Variants in UST observed in about 807,000 individuals in gnomAD.
UST encodes the protein chondroitin sulfate 2-O-sulfotransferase.
In UST, 21 loss-of-function variants were observed where a neutral mutation model predicts 45.6. That is an observed-to-expected ratio of 0.46 (90% CI 0.33 to 0.66). UST has a LOEUF of 0.66. UST is among the 30% of genes least tolerant of loss of function. The pLI, the probability that UST is intolerant of heterozygous loss-of-function variation, is 0.02. For missense variants in UST, 463 were observed against 512.4 expected (o/e 0.90, Z 0.93); for synonymous variants, 215 against 200.6 (o/e 1.07, Z -0.61).
At chr6:148,951,210 T>C (rs773082914) in intron 3 of UST, among the ~76,000 whole-genome samples, 7 of 152,114 alleles carry the variant, frequency 4.6e-5, no homozygotes, top group Non-Finnish European at 8.8e-5. Flanking sequence ...ACCATTGAAT[T>C]ATGGGAGTCC....
chr6:148,963,210 C>A (rs1780702359), intron 4 of UST, among the ~76,000 whole-genome samples: 1 of 152,306 alleles, frequency 6.6e-6, no homozygotes, highest in East Asian at 1.9e-4. Flanking sequence ...AGTCTGCCAG[C>A]TGGGGAGAGG....
chr6:149,034,851 TCTCTCTCTCTC>T (rs1776207923), intron 7 of UST, among the ~76,000 whole-genome samples: 1 of 75,588 alleles, frequency 1.3e-5, no homozygotes, highest in Non-Finnish European at 2.4e-5. Flanking sequence ...TCTCTCTCTC[TCTCTCTCTCTC>T]TCTCTCTCTC....
chr6:148,913,643 C>G (rs940907026), intron 2 of UST, among the ~76,000 whole-genome samples: 14 of 151,904 alleles, frequency 9.2e-5, no homozygotes, highest in African/African-American at 3.4e-4. Context: ...AATGCTGATT[C>G]CAATGCTTTG....
intron 1 of UST, among the ~76,000 whole-genome samples, chr6:148,853,396 A>G (rs775298179): frequency 2.0e-5 from 3 of 152,040 alleles, no homozygotes; most frequent in African/African-American, 4.8e-5. Flanking sequence ...TGTCTTTGCT[A>G]TTGTGAATAG....
At chr6:148,952,786 T>G (rs1208459685) in intron 3 of UST, among the ~76,000 whole-genome samples, 1 of 152,226 alleles carries the variant, frequency 6.6e-6, no homozygotes, top group Non-Finnish European at 1.5e-5. Context: ...ACTTCTGACA[T>G]TCATCCAAAG....
chr6:148,936,939 C>T (rs572598403), intron 2 of UST, among the ~76,000 whole-genome samples: 2 of 152,192 alleles, frequency 1.3e-5, no homozygotes, highest in African/African-American at 4.8e-5. Flanking sequence ...AGGTGATCCA[C>T]CCACCTCAGC....
intron 7 of UST, among the ~76,000 whole-genome samples, chr6:149,042,985 T>G (rs573888160): frequency 1.2e-4 from 14 of 116,372 alleles, no homozygotes; most frequent in Admixed American, 1.1e-3. Flanking sequence ...CTTTCTTTCT[T>G]TCTTTCTTTC....
rs149281653 is a variant in UST at position 148,971,614 on chromosome 6, G to A, written c.681+7051G>A. Among the ~76,000 whole-genome samples the A allele has an allele frequency of 7.4e-3, 1,121 of 152,274 alleles. 3 individuals are homozygous for A. Among genetic ancestry groups the A allele is most frequent in the Non-Finnish European group, 0.012 (810 of 68,018 alleles). ...AGAAGGAAGAACACCCAGGCATAGG[G>A]CACATACAAAGCCCTGTGGCAGAAG... On this transcript the variant is annotated intron_variant, in intron 5 of 7. Coordinates refer to ENST00000367463, the MANE Select transcript of UST (RefSeq NM_005715.3).
chr6:148,975,831 G>A (rs143179884), intron 5 of UST, among the ~76,000 whole-genome samples: 102 of 152,284 alleles, frequency 6.7e-4, no homozygotes, highest in Middle Eastern at 3.4e-3. Context: ...TCTGAGCCAC[G>A]GAGGCTGTGA....
At position 149,001,362 on chromosome 6, in the gene UST, C is replaced by T. The variant is rs150520165; in HGVS notation, c.682-17777C>T. 9.8e-5 allele frequency among the ~76,000 whole-genome samples: 15 copies of T among 152,294 alleles called. No individual in the cohort carries two copies. In the East Asian group the frequency reaches 2.5e-3, roughly 25 times the overall value. The stretch of plus-strand genomic sequence containing the variant: ...CTGGGATTATAGGCATAAGCCACCG[C>T]GCCTGGCCTGGAGATGTGATCCTTC... On this transcript the variant is annotated intron_variant, in intron 5 of 7. Coordinates refer to ENST00000367463, the MANE Select transcript of UST (RefSeq NM_005715.3).
intron 5 of UST, among the ~76,000 whole-genome samples, chr6:148,986,105 G>A (rs1781233487): frequency 6.6e-6 from 1 of 152,204 alleles, no homozygotes; most frequent in Admixed American, 6.5e-5. Flanking sequence ...TGTGTTGCAG[G>A]AATGGGCCTG....
In UST at chr6:148,772,199, T is replaced by C. The variant is rs1345470195; in HGVS notation, c.247+24522T>C. 2.6e-5 allele frequency among the ~76,000 whole-genome samples: 4 copies of C among 152,218 alleles called. No individual in the cohort carries two copies. The East Asian group carries it at 7.7e-4, about 29-fold the overall frequency. ...GAGAATAGAATATTGAGTTTGTGCC[T>C]GGTGGTTTCTCTTTATCGGTTTCTG... On this transcript the variant is annotated intron_variant, in intron 1 of 7. Coordinates refer to ENST00000367463, the MANE Select transcript of UST (RefSeq NM_005715.3).
Position 148,747,440 on chromosome 6 carries a change from A to C in UST, c.10A>C (p.Lys4Gln), listed in dbSNP as rs199870664. The stretch of plus-strand genomic sequence containing the variant: ...GGCAGCGGAGCAGGCGATGAAGAAG[A>C]AGCAGCAGCATCCCGGCGGCGGCGC... The part of the protein sequence containing the change: MKK[K>Q]QQHPGGGADP... Residue 4 changes from lysine (K) to glutamine (Q), a missense_variant, in exon 1 of 8, where the codon AAG (lysine) becomes CAG (glutamine). Around this residue, in one of 2 missense-constraint regions of UST, gnomAD observed 176 missense variants for 138.3 expected, o/e 1.27. Coordinates refer to ENST00000367463, the MANE Select transcript of UST (RefSeq NM_005715.3). 1,742 of 1,418,518 alleles carry C rather than the reference A, an allele frequency of 1.2e-3. 1 individual carries two copies. The highest frequency in any genetic ancestry group is 1.4e-3 in the Non-Finnish European group (1,533 of 1,083,844). The allele number at this position is 1,418,518 out of a possible 1,614,324, so 87.9% of individuals were successfully genotyped here.
At chr6:148,973,401 C>T (rs530601951) in intron 5 of UST, among the ~76,000 whole-genome samples, 1 of 152,288 alleles carries the variant, frequency 6.6e-6, no homozygotes, top group East Asian at 1.9e-4. Context: ...GAGTCCATTG[C>T]CATCTCTTCA....
intron 5 of UST, among the ~76,000 whole-genome samples, chr6:149,013,272 A>G (rs919937641): frequency 2.0e-5 from 3 of 152,186 alleles, no homozygotes; most frequent in Admixed American, 2.0e-4. Context: ...GGTTATTGTC[A>G]GGCGCAGTGG....
chr6:149,065,393 G>A (rs1469523960), intron 7 of UST, among the ~76,000 whole-genome samples: 1 of 152,134 alleles, frequency 6.6e-6, no homozygotes, highest in East Asian at 1.9e-4. Context: ...CCATAGCACC[G>A]ATTATCGTAC....
intron 2 of UST, among the ~76,000 whole-genome samples, chr6:148,916,795 G>T (rs62426117): frequency 4.6e-5 from 7 of 152,100 alleles, no homozygotes; most frequent in Non-Finnish European, 8.8e-5. Flanking sequence ...GTACAGTGTC[G>T]TAATACGTAT....
chr6:148,878,337 G>T (rs554035612), intron 1 of UST, among the ~76,000 whole-genome samples: 1 of 70,138 alleles, frequency 1.4e-5, no homozygotes, highest in African/African-American at 6.4e-5. Flanking sequence ...GTGTATGAGT[G>T]GGGGGGATCG....
chr6:148,910,564 A>T (rs1779452805), intron 2 of UST, among the ~76,000 whole-genome samples: 1 of 152,118 alleles, frequency 6.6e-6, no homozygotes, highest in Non-Finnish European at 1.5e-5. Flanking sequence ...CCACAGACTC[A>T]CATCTTTAAA....
Sources: gnomAD v4.1 joint callset for allele counts (sites outside exome capture counted in the v4.1 genomes callset) on GRCh38, gnomAD v4.1.1 for gene constraint, gnomAD v4.1.1 regional missense constraint, MANE v1.5 for transcripts, NCBI Gene and HGNC (gene_info 2026-07-23, HGNC 2026-07-21) for gene names.